The following PLXNC1 variants were observed in gnomAD, a reference collection of about 807,000 sequenced individuals.
PLXNC1 encodes plexin C1.
PLXNC1 carries 75 observed loss-of-function variants against 178.2 expected under a neutral mutation model. The ratio of observed to expected loss-of-function variants is 0.42; its 90% CI spans 0.35 to 0.51. The LOEUF is 0.51. PLXNC1 is among the 20% of genes least tolerant of loss of function. The pLI is 0.02. For synonymous variants in PLXNC1, 790 were observed against 779.9 expected (o/e 1.01, Z -0.22); for missense variants, 1,503 against 1,984.4 (o/e 0.76, Z 4.61).
At chr12:94,167,708 C>T (rs74479006) in intron 1 of PLXNC1, among the ~76,000 whole-genome samples, 11,420 of 152,216 alleles carry the variant, frequency 0.075, 555 homozygotes, top group East Asian at 0.13. Flanking sequence ...GACAGCTCCT[C>T]ATCTTCCCAT....
chr12:94,179,167 A>C (rs945568410), intron 2 of PLXNC1, among the ~76,000 whole-genome samples: 1 of 152,346 alleles, frequency 6.6e-6, no homozygotes, highest in South Asian at 2.1e-4. Context: ...CTAAACAGCA[A>C]ATCCCTAACT....
chr12:94,226,632 C>T lies in PLXNC1; in HGVS notation c.1818C>T (p.Cys606=), dbSNP rs200673152. 78 of 1,613,386 alleles carry T rather than the reference C, an allele frequency of 4.8e-5. No individual in the cohort carries two copies. Among genetic ancestry groups the T allele is most frequent in the Non-Finnish European group, 5.9e-5 (70 of 1,179,476 alleles). Residue 606 remains cysteine (C), a synonymous_variant, in exon 8 of 31, where the codon TGC becomes TGT. Transcript: ENST00000258526. The stretch of plus-strand genomic sequence containing the variant: ...GCCCAGCATGCGTAGAAACTGGCTG[C>T]GCGTGGTGTAAAAGTGCAAGAAGGT... The part of the protein sequence containing the change: ...KECPACVETG[C]AWCKSARRCI...
rs558392025 is a variant in PLXNC1 at position 94,207,232 on chromosome 12, T to TTA, written c.1440-2347_1440-2346dup. Among the ~76,000 whole-genome samples the TTA allele has an allele frequency of 3.7e-3, 562 of 152,198 alleles. 3 individuals are homozygous for TTA. Among genetic ancestry groups the TTA allele is most frequent in the African/African-American group, 0.013 (528 of 41,524 alleles). ...AGTTCAGAGGTGGTGGGTTGTTTTT[T>TTA]TATATATATATAAAAACAAGGAATT... On this transcript the variant is annotated intron_variant, in intron 4 of 30. Transcript: ENST00000258526.
chr12:94,302,800 T>C (rs1420706637), intron 28 of PLXNC1, among the ~76,000 whole-genome samples: 1 of 152,208 alleles, frequency 6.6e-6, no homozygotes, highest in African/African-American at 2.4e-5. Context: ...AAATCTGTCT[T>C]TGCAACTAGA....
intron 21 of PLXNC1, chr12:94,276,902 C>T (rs1485747468): frequency 2.0e-5 from 3 of 152,150 alleles, no homozygotes; most frequent in Non-Finnish European, 4.4e-5. Flanking sequence ...GAGGGAAACT[C>T]GTACAGGCCA....
chr12:94,177,238 T>TAC (rs1962128551), intron 2 of PLXNC1, among the ~76,000 whole-genome samples: 3 of 134,990 alleles, frequency 2.2e-5, no homozygotes, highest in African/African-American at 5.7e-5. Context: ...TACATATATA[T>TAC]ATATATATAT....
chr12:94,192,948 G>T (rs1962778906), intron 4 of PLXNC1, among the ~76,000 whole-genome samples: 1 of 152,120 alleles, frequency 6.6e-6, no homozygotes, highest in Non-Finnish European at 1.5e-5. Context: ...GCTAGCATGG[G>T]GGAAGTTTAG....
chr12:94,201,005 T>G (rs887349995), intron 4 of PLXNC1, among the ~76,000 whole-genome samples: 1 of 152,214 alleles, frequency 6.6e-6, no homozygotes, highest in African/African-American at 2.4e-5. Flanking sequence ...TTTTAAAATT[T>G]CCTTGTTAAT....
At chr12:94,176,617 T>C (rs566853973) in intron 2 of PLXNC1, among the ~76,000 whole-genome samples, 2 of 152,340 alleles carry the variant, frequency 1.3e-5, no homozygotes, top group East Asian at 3.9e-4. Context: ...TTTAAGGTAA[T>C]ACAATGATAT....
intron 9 of PLXNC1, among the ~76,000 whole-genome samples, chr12:94,234,131 A>C (rs1386707417): frequency 7.0e-6 from 1 of 143,016 alleles, no homozygotes; most frequent in Admixed American, 7.0e-5. Flanking sequence ...AGAGTTTGCT[A>C]TATTCAGATT....
At chr12:94,155,406 T>C (rs896929002) in intron 1 of PLXNC1, among the ~76,000 whole-genome samples, 3 of 152,200 alleles carry the variant, frequency 2.0e-5, no homozygotes, top group Admixed American at 1.3e-4. Flanking sequence ...TTTAGCAAGC[T>C]CTCAACGTGA....
chr12:94,286,283 CAG>C (rs1966839870), intron 23 of PLXNC1, among the ~76,000 whole-genome samples: 1 of 152,080 alleles, frequency 6.6e-6, no homozygotes, highest in South Asian at 2.1e-4. Context: ...GCAAATAAAC[CAG>C]AGAGCCTGAA....
intron 28 of PLXNC1, among the ~76,000 whole-genome samples, chr12:94,302,000 G>T (rs1446333372): frequency 6.6e-6 from 1 of 152,092 alleles, no homozygotes; most frequent in Non-Finnish European, 1.5e-5. Flanking sequence ...TCCCTACTGG[G>T]ATAACTGCTT....
At chr12:94,236,689 T>C (rs1483846904) in intron 9 of PLXNC1, among the ~76,000 whole-genome samples, 1 of 152,236 alleles carries the variant, frequency 6.6e-6, no homozygotes, top group Admixed American at 6.5e-5. Flanking sequence ...TCACTCTTGC[T>C]GAAGTTCTGC....
At position 94,307,593 on chromosome 12, in the gene PLXNC1, T is replaced by C. The variant is rs1289040328; in HGVS notation, c.*2308T>C. 2.0e-5 allele frequency: 3 copies of C among 152,206 alleles called. No homozygotes were observed. Among genetic ancestry groups the C allele is most frequent in the African/African-American group, 7.2e-5 (3 of 41,452 alleles). The allele number at this position is 152,206 out of a possible 1,614,324, so 9.4% of individuals were successfully genotyped here. ...ATTAGGATTTAAAGTCTATTTCTTA[T>C]TGTATACCTGATTGAAGCTGTTCTT... On this transcript the variant is annotated 3_prime_UTR_variant, in exon 31 of 31. Transcript: ENST00000258526.
intron 3 of PLXNC1, among the ~76,000 whole-genome samples, chr12:94,183,106 G>C (rs910471235): frequency 1.3e-5 from 2 of 152,182 alleles, no homozygotes; most frequent in African/African-American, 4.8e-5. Context: ...TTATATAATG[G>C]ATGTAACAGA....
rs568138641 is a variant in PLXNC1 at position 94,251,488 on chromosome 12, T to C, written c.2841T>C (p.Phe947=). The change falls in exon 15 of 31, where the codon TTT becomes TTC. Residue 947 remains phenylalanine, a synonymous_variant. Transcript: ENST00000258526. ...AGTCAGTTCCTTCCACATGGTATTT[T>C]CTGATTGTGCTCCCTGTCTTGCTAG... ...EQESVPSTWY[F]LIVLPVLLVI... is the part of the protein sequence containing the mutation. 37 of 1,613,422 alleles carry C rather than the reference T, an allele frequency of 2.3e-5. No individual in the cohort carries two copies. The South Asian group carries it at 4.1e-4, about 18-fold the overall frequency.
At chr12:94,304,462 C>G (rs756630705) in intron 30 of PLXNC1, 2 of 157,486 alleles carry the variant, frequency 1.3e-5, no homozygotes, top group African/African-American at 2.4e-5. Flanking sequence ...CTAACTTAAG[C>G]GACTATTTCA....
intron 4 of PLXNC1, among the ~76,000 whole-genome samples, chr12:94,189,357 G>A (rs552306441): frequency 1.3e-5 from 2 of 152,304 alleles, no homozygotes; most frequent in East Asian, 3.9e-4. Flanking sequence ...AGGTGGCAGG[G>A]TCTGTGTTGG....
Sources: allele counts gnomAD v4.1 joint callset (sites outside exome capture counted in the v4.1 genomes callset), GRCh38; gene constraint gnomAD v4.1.1; transcripts MANE v1.5; gene names NCBI Gene and HGNC (gene_info 2026-07-23, HGNC 2026-07-21).